SDK1: variants seen among roughly 807,000 people sequenced by gnomAD.
The protein encoded by SDK1 is protein sidekick-1.
Under a neutral mutation model 245.5 loss-of-function variants are expected in SDK1, and 157 were observed. The observed-to-expected ratio is 0.64, with a 90% CI of 0.56 to 0.73. The LOEUF (loss-of-function observed/expected upper bound fraction) is 0.73, where lower values mean the gene tolerates loss of function less well. SDK1 is among the 30% of genes least tolerant of loss of function. The probability of loss-of-function intolerance (pLI) is 0.00; values close to 1 mark genes in which losing one functional copy is unlikely to be tolerated. For synonymous variants in SDK1, 1,647 were observed against 1,278.5 expected (o/e 1.29, Z -6.15); for missense variants, 3,583 against 3,002.3 (o/e 1.19, Z -4.52).
At chr7:3,911,129 G>C (rs899140740) in intron 5 of SDK1, among the ~76,000 whole-genome samples, 1 of 152,216 alleles carries the variant, frequency 6.6e-6, no homozygotes, top group African/African-American at 2.4e-5. Context: ...TGGGACAAAA[G>C]TTGAAAGGAC....
At chr7:3,944,253 G>A (rs1780488202) in intron 5 of SDK1, among the ~76,000 whole-genome samples, 1 of 152,008 alleles carries the variant, frequency 6.6e-6, no homozygotes, top group African/African-American at 2.4e-5. Flanking sequence ...ATCTGTAAAA[G>A]AGGGATAACA....
chr7:3,425,604 A>G (rs1195295603), intron 1 of SDK1, among the ~76,000 whole-genome samples: 1 of 152,264 alleles, frequency 6.6e-6, no homozygotes, highest in Non-Finnish European at 1.5e-5. Context: ...AATCTCATTA[A>G]TGGGAATGAA....
At chr7:3,509,864 G>T (rs1045219161) in intron 1 of SDK1, among the ~76,000 whole-genome samples, 12 of 152,166 alleles carry the variant, frequency 7.9e-5, no homozygotes, top group African/African-American at 2.7e-4. Flanking sequence ...TAAGTCAGTG[G>T]TTCTCAGTTC....
chr7:3,566,734 A>AG lies in SDK1; in HGVS notation c.299-52346_299-52345insG, dbSNP rs1435079926. On this transcript the variant is annotated intron_variant, in intron 1 of 44. Transcript: ENST00000404826. ...GAAACTACTGCCAAAAAAAAAAAAA[A>AG]AAAGTGATTGCAATCCAAGGAGAAA... Among the ~76,000 whole-genome samples, 47 of 151,930 alleles carry AG rather than the reference A, an allele frequency of 3.1e-4. No homozygotes were observed. The South Asian group carries it at 3.3e-3, about 11-fold the overall frequency.
chr7:3,616,777 G>C (rs1781785516), intron 1 of SDK1, among the ~76,000 whole-genome samples: 1 of 152,134 alleles, frequency 6.6e-6, no homozygotes, highest in Admixed American at 6.5e-5. Flanking sequence ...ATACACTATA[G>C]TTTAATGTGC....
At chr7:4,250,824 C>T (rs886470409) in intron 44 of SDK1, among the ~76,000 whole-genome samples, 19 of 152,100 alleles carry the variant, frequency 1.2e-4, no homozygotes, top group African/African-American at 4.3e-4. Context: ...ATAATTTGCC[C>T]ATTTAGAATA....
chr7:3,676,068 C>T (rs1022033072), intron 4 of SDK1, among the ~76,000 whole-genome samples: 9 of 152,138 alleles, frequency 5.9e-5, no homozygotes, highest in Non-Finnish European at 5.9e-5. Context: ...CAGGCTCAAG[C>T]GATTCTTCCA....
At chr7:3,919,018 C>G (rs572849341) in intron 5 of SDK1, among the ~76,000 whole-genome samples, 5 of 152,300 alleles carry the variant, frequency 3.3e-5, no homozygotes, top group Admixed American at 2.6e-4. Context: ...ATAACTATTA[C>G]TATCATTGCT....
At chr7:3,555,897 A>G (rs1233789441) in intron 1 of SDK1, among the ~76,000 whole-genome samples, 1 of 152,220 alleles carries the variant, frequency 6.6e-6, no homozygotes, top group Non-Finnish European at 1.5e-5. Context: ...AATGGCTTTT[A>G]TCTTAAAGAC....
At chr7:3,501,423 G>A (rs1183359796) in intron 1 of SDK1, among the ~76,000 whole-genome samples, 1 of 151,906 alleles carries the variant, frequency 6.6e-6, no homozygotes, top group African/African-American at 2.4e-5. Context: ...GAACAGTTAG[G>A]TTCCGAGTGA....
At chr7:3,399,847 T>C (rs1372457545) in intron 1 of SDK1, among the ~76,000 whole-genome samples, 2 of 152,160 alleles carry the variant, frequency 1.3e-5, no homozygotes, top group Non-Finnish European at 2.9e-5. Context: ...GGACATCTCA[T>C]TTCACAGGTC....
At chr7:4,022,612 G>T (rs1432754357) in intron 17 of SDK1, among the ~76,000 whole-genome samples, 1 of 152,058 alleles carries the variant, frequency 6.6e-6, no homozygotes, top group South Asian at 2.1e-4. Context: ...CTGCTGCAGG[G>T]GGAGGTAGCA....
At chr7:4,178,009 C>G (rs925138817) in intron 34 of SDK1, among the ~76,000 whole-genome samples, 1 of 152,122 alleles carries the variant, frequency 6.6e-6, no homozygotes, top group African/African-American at 2.4e-5. Context: ...ACGCGCAGTT[C>G]CCAATAGGGT....
intron 1 of SDK1, among the ~76,000 whole-genome samples, chr7:3,590,485 A>G (rs949645416): frequency 2.6e-5 from 4 of 152,202 alleles, no homozygotes; most frequent in East Asian, 1.9e-4. Flanking sequence ...ACGATTTAAG[A>G]TATTTCATTT....
At position 4,210,141 on chromosome 7, in the gene SDK1, G is replaced by A. The variant is rs760624642; in HGVS notation, c.5518G>A (p.Glu1840Lys). 1.9e-5 allele frequency: 31 copies of A among 1,593,956 alleles called. No individual in the cohort carries two copies. The highest frequency in any genetic ancestry group is 1.8e-4 in the Admixed American group (10 of 55,736). Residue 1840 changes from glutamate to lysine, a missense_variant, in exon 38 of 45, where the codon GAG (glutamate) becomes AAG (lysine). Coordinates refer to ENST00000404826, the MANE Select transcript of SDK1 (RefSeq NM_152744.4). ...GILQGYRVVY[E>K]PLAPVQGVSK... ...CCTGCAGGGCTATCGGGTGGTGTAC[G>A]AGCCCTTGGCCCCTGTACAAGGTAA... is the stretch of plus-strand genomic sequence containing the variant.
At chr7:3,504,043 G>T (rs1168714599) in intron 1 of SDK1, among the ~76,000 whole-genome samples, 1 of 151,712 alleles carries the variant, frequency 6.6e-6, no homozygotes, top group Non-Finnish European at 1.5e-5. Flanking sequence ...TCAGCTACTC[G>T]GGAGGCTGAG....
chr7:3,858,866 C>CTTT lies in SDK1; in HGVS notation c.847+37295_847+37297dup, dbSNP rs11464569. On this transcript the variant is annotated intron_variant, in intron 5 of 44. Transcript: ENST00000404826. ...CTAAAACCTTGTATTTTTCTTTTTT[C>CTTT]TTTTTTTTTTTTTTGAGATAGAGTC... 4.7e-3 allele frequency among the ~76,000 whole-genome samples: 618 copies of CTTT among 131,362 alleles called. 11 individuals are homozygous for CTTT. In the Middle Eastern group the frequency reaches 0.06, roughly 13 times the overall value. 86.2% of individuals were successfully genotyped at this position (131,362 alleles called of 152,430 possible). A position where few individuals can be genotyped will look rare whatever the true frequency, so the allele number is the denominator to read the frequency against.
rs116377842 is a variant in SDK1 at position 4,140,607 on chromosome 7, G to A, written c.4229-5115G>A. 2.9e-3 allele frequency among the ~76,000 whole-genome samples: 436 copies of A among 152,238 alleles called. 4 individuals are homozygous for A. The highest frequency in any genetic ancestry group is 0.01 in the African/African-American group (418 of 41,548). On this transcript the variant is annotated intron_variant, in intron 28 of 44. Coordinates refer to ENST00000404826, the MANE Select transcript of SDK1 (RefSeq NM_152744.4). Reference sequence around the variant, plus strand: ...TGAGGCCAACAGCAGGGTATCCTGGGAAGAGCTGGGGCTCGATGCCGAGGG... The same window carrying A: ...TGAGGCCAACAGCAGGGTATCCTGGAAAGAGCTGGGGCTCGATGCCGAGGG...
chr7:4,211,644 C>G (rs970916889), intron 38 of SDK1, among the ~76,000 whole-genome samples: 1 of 152,156 alleles, frequency 6.6e-6, no homozygotes, highest in African/African-American at 2.4e-5. Context: ...GAGTCTTGCT[C>G]TGTCTCCCAG....
Sources: gnomAD v4.1 joint callset for allele counts (sites outside exome capture counted in the v4.1 genomes callset) on GRCh38, gnomAD v4.1.1 for gene constraint, MANE v1.5 for transcripts, NCBI Gene and HGNC (gene_info 2026-07-23, HGNC 2026-07-21) for gene names.